MAP2K1: variants seen among roughly 807,000 people sequenced by gnomAD.
The protein encoded by MAP2K1 is mitogen-activated protein kinase kinase 1.
A neutral mutation model predicts 46.3 loss-of-function variants in MAP2K1; 16 were observed. That is an observed-to-expected ratio of 0.35 (90% CI 0.23 to 0.52). The LOEUF is 0.52. Ranked by LOEUF, MAP2K1 falls within the 20% of genes least tolerant of loss-of-function variation. The probability of loss-of-function intolerance (pLI) is 0.94; values close to 1 mark genes in which losing one functional copy is unlikely to be tolerated. For synonymous variants in MAP2K1, 183 were observed against 185.6 expected (o/e 0.99, Z 0.11); for missense variants, 263 against 497.1 (o/e 0.53, Z 4.48).
At chr15:66,392,122 C>T (rs1302486091) in intron 1 of MAP2K1, among the ~76,000 whole-genome samples, 2 of 152,056 alleles carry the variant, frequency 1.3e-5, no homozygotes, top group Admixed American at 6.6e-5. Flanking sequence ...AAAGTTTTGC[C>T]TAGAGGTGAG....
chr15:66,445,523 T>C (rs1423506568), intron 5 of MAP2K1, among the ~76,000 whole-genome samples: 1 of 152,218 alleles, frequency 6.6e-6, no homozygotes, highest in African/African-American at 2.4e-5. Context: ...AAATATAACA[T>C]GCATCCACAC....
chr15:66,418,458 AT>A (rs1376435525), intron 1 of MAP2K1, among the ~76,000 whole-genome samples: 3 of 152,110 alleles, frequency 2.0e-5, no homozygotes, highest in African/African-American at 7.2e-5. Context: ...CTTTTTTTAA[AT>A]TTATTTAAAC....
intron 1 of MAP2K1, chr15:66,414,953 A>G (rs757621662): frequency 7.1e-6 from 3 of 421,994 alleles, no homozygotes; most frequent in Non-Finnish European, 1.4e-5. Context: ...TTGCATAGCC[A>G]CTTGTGCTTG....
chr15:66,462,177 C>A (rs938382193), intron 5 of MAP2K1, among the ~76,000 whole-genome samples: 2 of 152,052 alleles, frequency 1.3e-5, no homozygotes, highest in Non-Finnish European at 2.9e-5. Context: ...CTCCCTCCCA[C>A]CCTGCAAAGA....
chr15:66,473,065 A>G (rs1892677678), intron 5 of MAP2K1, among the ~76,000 whole-genome samples: 1 of 152,202 alleles, frequency 6.6e-6, no homozygotes, highest in Non-Finnish European at 1.5e-5. Flanking sequence ...CAAGTTAGCC[A>G]GGTTTGTTCT....
rs140087260 is a variant in MAP2K1 at position 66,483,096 on chromosome 15, C to T, written c.693+1217C>T. 1.4e-4 allele frequency among the ~76,000 whole-genome samples: 22 copies of T among 152,326 alleles called. No individual in the cohort carries two copies. The East Asian group carries it at 4.0e-3, about 28-fold the overall frequency. On this transcript the variant is annotated intron_variant, in intron 6 of 10. Transcript: ENST00000307102. Reference sequence around the variant, plus strand: ...TAAGCAACCTGCCTACTTAACCTTGCTGAGCCAGGATTGAAAGCTAGCTGC... The same window carrying T: ...TAAGCAACCTGCCTACTTAACCTTGTTGAGCCAGGATTGAAAGCTAGCTGC...
chr15:66,435,573 C>T (rs933006955), intron 2 of MAP2K1, among the ~76,000 whole-genome samples: 10 of 152,052 alleles, frequency 6.6e-5, no homozygotes, highest in Non-Finnish European at 1.5e-4. Flanking sequence ...GGTGATACGC[C>T]CGCCTCAGCC....
At chr15:66,411,918 A>G (rs2093412266) in intron 1 of MAP2K1, among the ~76,000 whole-genome samples, 1 of 152,156 alleles carries the variant, frequency 6.6e-6, no homozygotes, top group African/African-American at 2.4e-5. Flanking sequence ...CAGGAGAGAG[A>G]TCTTGCCCAT....
chr15:66,387,508 G>A (rs1185303333), intron 1 of MAP2K1, 81 bp downstream of exon 1: 5 of 1,393,792 alleles, frequency 3.6e-6, no homozygotes, highest in Admixed American at 2.0e-5. Flanking sequence ...GCCAGGCTCC[G>A]ATCTGGTTTG....
At chr15:66,397,114 C>T (rs1025393788) in intron 1 of MAP2K1, among the ~76,000 whole-genome samples, 19 of 150,104 alleles carry the variant, frequency 1.3e-4, no homozygotes. Flanking sequence ...ACGCCATTCT[C>T]CTGCCTCAGC....
intron 1 of MAP2K1, among the ~76,000 whole-genome samples, chr15:66,389,715 C>T (rs1209467753): frequency 6.6e-6 from 1 of 151,782 alleles, no homozygotes; most frequent in East Asian, 1.9e-4. Flanking sequence ...GCTGAGACTA[C>T]AGGCACGTGC....
chr15:66,487,081 C>A, intron 7 of MAP2K1, 147 bp from the exon 8 acceptor site: 1 of 694,530 alleles, frequency 1.4e-6, no homozygotes. Context: ...TGCTGGTCCC[C>A]TCTGTGTTCA....
intron 1 of MAP2K1, among the ~76,000 whole-genome samples, chr15:66,425,594 G>T (rs2093456052): frequency 6.6e-6 from 1 of 152,124 alleles, no homozygotes; most frequent in African/African-American, 2.4e-5. Flanking sequence ...CTTTTTTTTA[G>T]TGGGGGATGG....
intron 1 of MAP2K1, among the ~76,000 whole-genome samples, chr15:66,420,408 A>G (rs1403694192): frequency 6.6e-6 from 1 of 151,828 alleles, no homozygotes; most frequent in Non-Finnish European, 1.5e-5. Context: ...CTCTACAAAA[A>G]GTACAAAAAT....
chr15:66,483,569 T>G (rs1379325262), intron 6 of MAP2K1, among the ~76,000 whole-genome samples: 1 of 152,180 alleles, frequency 6.6e-6, no homozygotes, highest in East Asian at 1.9e-4. Flanking sequence ...TACGTGAATA[T>G]ACTATGGGCA....
At chr15:66,474,514 C>T (rs1252575584) in intron 5 of MAP2K1, among the ~76,000 whole-genome samples, 1 of 152,212 alleles carries the variant, frequency 6.6e-6, no homozygotes, top group Non-Finnish European at 1.5e-5. Context: ...AAATAAAGCT[C>T]ATTACATCTG....
In MAP2K1 at chr15:66,481,747, C is replaced by T. The variant is rs375614631; in HGVS notation, c.569-8C>T. ...GTTCCCTCCTTTTCTATTTTCTCTT[C>T]CCTGCAGATGTCAAGCCCTCCAACA... On this transcript the variant is annotated splice_region_variant and splice_polypyrimidine_tract_variant and intron_variant, in intron 5 of 10. Transcript: ENST00000307102. 3 of 1,611,898 alleles carry T rather than the reference C, an allele frequency of 1.9e-6. No homozygotes were observed. The highest frequency in any genetic ancestry group is 2.5e-6 in the Non-Finnish European group (3 of 1,179,620).
At chr15:66,452,287 T>TA (rs146502834) in intron 5 of MAP2K1, among the ~76,000 whole-genome samples, 50,715 of 103,470 alleles carry the variant, frequency 0.49, 12,615 homozygotes, top group South Asian at 0.65. Flanking sequence ...TAGAGTATAA[T>TA]AAAAAAAAAA....
At chr15:66,414,836 G>T in intron 1 of MAP2K1, 1 of 237,790 alleles carries the variant, frequency 4.2e-6, no homozygotes, top group Non-Finnish European at 8.3e-6. Flanking sequence ...TTCCCATTAG[G>T]ATATGAAAGG....
Sources: gnomAD v4.1 joint callset for allele counts (sites outside exome capture counted in the v4.1 genomes callset) on GRCh38, gnomAD v4.1.1 for gene constraint, MANE v1.5 for transcripts, NCBI Gene and HGNC (gene_info 2026-07-23, HGNC 2026-07-21) for gene names.